The following OSTF1 variants were observed in gnomAD, a reference collection of about 807,000 sequenced individuals.
OSTF1 encodes the protein osteoclast stimulating factor 1.
OSTF1 carries 27 observed loss-of-function variants against 37.2 expected under a neutral mutation model. The ratio of observed to expected loss-of-function variants is 0.73; its 90% CI spans 0.54 to 1.00. The LOEUF (loss-of-function observed/expected upper bound fraction) is 1.00. OSTF1 is among the 50% of genes least tolerant of loss of function. OSTF1 has a pLI of 0.00. For synonymous variants in OSTF1, 82 were observed against 89.2 expected, an observed-to-expected ratio of 0.92 and a Z score of 0.46; for missense variants, 232 against 253.8, an observed-to-expected ratio of 0.91 and a Z score of 0.58.
intron 2 of OSTF1, among the ~76,000 whole-genome samples, chr9:75,119,522 C>A (rs1825544577): frequency 2.0e-5 from 3 of 152,190 alleles, no homozygotes; most frequent in Non-Finnish European, 4.4e-5. Flanking sequence ...TATTTTCTCA[C>A]AATTCCAGGA....
intron 1 of OSTF1, among the ~76,000 whole-genome samples, chr9:75,097,742 C>T (rs1396871159): frequency 1.4e-5 from 2 of 141,810 alleles, no homozygotes; most frequent in African/African-American, 5.2e-5. Context: ...TTCTGGCCCT[C>T]GTGCCGTCCC....
At chr9:75,114,017 C>T (rs1483971142) in intron 1 of OSTF1, among the ~76,000 whole-genome samples, 1 of 152,156 alleles carries the variant, frequency 6.6e-6, no homozygotes, top group Non-Finnish European at 1.5e-5. Context: ...TTTTAGATCC[C>T]ACCTATGTGA....
chr9:75,095,813 G>A (rs895730215), intron 1 of OSTF1, among the ~76,000 whole-genome samples: 11 of 151,962 alleles, frequency 7.2e-5, no homozygotes, highest in African/African-American at 2.7e-4. Context: ...TGCTGTAGGT[G>A]TTTAGTTTAG....
At chr9:75,106,324 A>G (rs906459442) in intron 1 of OSTF1, among the ~76,000 whole-genome samples, 2 of 152,212 alleles carry the variant, frequency 1.3e-5, no homozygotes, top group Non-Finnish European at 1.5e-5. Flanking sequence ...TCCAAGGATT[A>G]TAGCCTCTCT....
chr9:75,116,319 G>T (rs1336778442), intron 1 of OSTF1, among the ~76,000 whole-genome samples: 1 of 152,074 alleles, frequency 6.6e-6, no homozygotes, highest in Admixed American at 6.6e-5. Context: ...TCTAGAACCG[G>T]TGCCCTTGGA....
At chr9:75,102,830 A>G (rs756804128) in intron 1 of OSTF1, among the ~76,000 whole-genome samples, 6 of 152,238 alleles carry the variant, frequency 3.9e-5, no homozygotes, top group African/African-American at 1.4e-4. Flanking sequence ...ACCTCCCACA[A>G]TAGCCTGCGC....
intron 1 of OSTF1, among the ~76,000 whole-genome samples, chr9:75,097,854 T>TG (rs1189522610): frequency 7.3e-6 from 1 of 137,728 alleles, no homozygotes; most frequent in Non-Finnish European, 1.7e-5. Context: ...ATGCCTCAGT[T>TG]TTTTTTTTTT....
rs747208516 is a variant in OSTF1 at position 75,088,661 on chromosome 9, G to A, written c.-32G>A. 4.4e-6 allele frequency: 7 copies of A among 1,602,200 alleles called. No homozygotes were observed. Among genetic ancestry groups the A allele is most frequent in the Non-Finnish European group, 3.4e-6 (4 of 1,174,272 alleles). ...GGGCAAGCGGTGGGCTTTTCGGCGG[G>A]GTCTTTAGGATTTGCAGCTCCAGGA... On this transcript the variant is annotated 5_prime_UTR_variant, in exon 1 of 10. Coordinates refer to ENST00000346234, the MANE Select transcript of OSTF1 (RefSeq NM_012383.5).
chr9:75,117,638 C>T, intron 2 of OSTF1, 88 bp downstream of exon 2: 1 of 974,894 alleles, frequency 1.0e-6, no homozygotes, highest in South Asian at 1.4e-5. Flanking sequence ...AATGGTCTGC[C>T]TTTTCTTTGA....
At chr9:75,109,714 T>A (rs1484233082) in intron 1 of OSTF1, among the ~76,000 whole-genome samples, 2 of 152,182 alleles carry the variant, frequency 1.3e-5, no homozygotes, top group Non-Finnish European at 2.9e-5. Flanking sequence ...AAGGGATTTC[T>A]AGTTATGTTC....
intron 9 of OSTF1, among the ~76,000 whole-genome samples, chr9:75,141,673 A>G (rs1825947052): frequency 6.6e-6 from 1 of 152,220 alleles, no homozygotes; most frequent in African/African-American, 2.4e-5. Context: ...AATCAAATTT[A>G]TTCTAGACTT....
At chr9:75,143,723 A>C (rs945010449) in intron 9 of OSTF1, among the ~76,000 whole-genome samples, 11 of 152,148 alleles carry the variant, frequency 7.2e-5, no homozygotes, top group African/African-American at 2.4e-4. Context: ...GATGGGACTG[A>C]GGTAAAATGA....
At chr9:75,141,425 C>T (rs1038719261) in intron 9 of OSTF1, among the ~76,000 whole-genome samples, 6 of 142,776 alleles carry the variant, frequency 4.2e-5, no homozygotes, top group Non-Finnish European at 7.6e-5. Context: ...CTCAATTAAA[C>T]AGAAATTAGA....
At chr9:75,096,959 C>A (rs553630653) in intron 1 of OSTF1, among the ~76,000 whole-genome samples, 1 of 152,230 alleles carries the variant, frequency 6.6e-6, no homozygotes, top group Non-Finnish European at 1.5e-5. Flanking sequence ...CTGGCTAGCA[C>A]GTATTATTTC....
At chr9:75,123,011 TG>T (rs1825604566) in intron 2 of OSTF1, among the ~76,000 whole-genome samples, 1 of 152,250 alleles carries the variant, frequency 6.6e-6, no homozygotes, top group African/African-American at 2.4e-5. Context: ...ATATATGGAA[TG>T]GGAATATATG....
chr9:75,092,454 G>T (rs1210547551), intron 1 of OSTF1, among the ~76,000 whole-genome samples: 1 of 152,192 alleles, frequency 6.6e-6, no homozygotes, highest in African/African-American at 2.4e-5. Flanking sequence ...AGGGTCCTGA[G>T]TCTAATGGGG....
intron 1 of OSTF1, among the ~76,000 whole-genome samples, chr9:75,104,402 C>T (rs1825249916): frequency 6.6e-6 from 1 of 152,004 alleles, no homozygotes; most frequent in African/African-American, 2.4e-5. Context: ...GAAAAGTTAG[C>T]CGGGCATGGT....
chr9:75,098,723 T>C (rs1279948915), intron 1 of OSTF1, among the ~76,000 whole-genome samples: 3 of 152,222 alleles, frequency 2.0e-5, no homozygotes, highest in African/African-American at 7.2e-5. Context: ...ATGCTATTTT[T>C]CCCCATCTCT....
At chr9:75,121,437 ATGT>A (rs1377201146) in intron 2 of OSTF1, among the ~76,000 whole-genome samples, 1 of 152,186 alleles carries the variant, frequency 6.6e-6, no homozygotes, top group Non-Finnish European at 1.5e-5. Flanking sequence ...TATATTTAAA[ATGT>A]TGTATTTTTA....
Sources: gnomAD v4.1 joint callset for allele counts (sites outside exome capture counted in the v4.1 genomes callset) on GRCh38, gnomAD v4.1.1 for gene constraint, MANE v1.5 for transcripts, NCBI Gene and HGNC (gene_info 2026-07-23, HGNC 2026-07-21) for gene names.